Variants in CDIN1 observed in about 807,000 individuals in gnomAD.
CDIN1 encodes the protein CDAN1-interacting nuclease 1.
In CDIN1, 33 loss-of-function variants were observed where a neutral mutation model predicts 45.3. The observed-to-expected ratio is 0.73, with a 90% confidence interval of 0.55 to 0.97. The LOEUF (loss-of-function observed/expected upper bound fraction) is 0.97, where lower values mean the gene tolerates loss of function less well. Ranked by LOEUF, CDIN1 falls within the 50% of genes least tolerant of loss-of-function variation. The probability of loss-of-function intolerance (pLI) is 0.00; values close to 1 mark genes in which losing one functional copy is unlikely to be tolerated. For synonymous variants in CDIN1, 118 were observed against 124.4 expected, an observed-to-expected ratio of 0.95 and a Z score of 0.34; for missense variants, 303 against 339.4, an observed-to-expected ratio of 0.89 and a Z score of 0.84.
At position 36,601,048 on chromosome 15, in the gene CDIN1, TC is replaced by T. The variant is rs372859932; in HGVS notation, c.101+21090del. On this transcript the variant is annotated intron_variant, in intron 1 of 10. Transcript: ENST00000566621. ...GAAGTAATGCTACAGTGTTTTGATG[TC>T]CCAAGTAGGGGTATCAAAAAAAAAA... Among the ~76,000 whole-genome samples, 449 of 151,668 alleles carry T rather than the reference TC, an allele frequency of 3.0e-3. 1 individual carries two copies. Among genetic ancestry groups the T allele is most frequent in the African/African-American group, 0.01 (423 of 41,056 alleles).
intron 10 of CDIN1, chr15:36,746,893 G>A: frequency 2.5e-6 from 1 of 396,112 alleles, no homozygotes; most frequent in Admixed American, 4.4e-5. Context: ...GGGACTGCAG[G>A]TGCATGCCAC....
At chr15:36,679,633 G>T (rs2140605424) in intron 5 of CDIN1, among the ~76,000 whole-genome samples, 1 of 152,202 alleles carries the variant, frequency 6.6e-6, no homozygotes, top group East Asian at 1.9e-4. Flanking sequence ...CTTCTTTTGA[G>T]GAAGATGTAA....
chr15:36,674,429 G>C (rs1389514750), intron 5 of CDIN1, among the ~76,000 whole-genome samples: 1 of 152,118 alleles, frequency 6.6e-6, no homozygotes, highest in African/African-American at 2.4e-5. Flanking sequence ...GAAAGGAATA[G>C]CTTTTGCAAA....
chr15:36,701,686 G>A (rs60600778), intron 8 of CDIN1, among the ~76,000 whole-genome samples: 3,603 of 152,196 alleles, frequency 0.024, 145 homozygotes, highest in African/African-American at 0.083. Flanking sequence ...TCCAGTGAAT[G>A]TTTCCCTGTT....
intron 1 of CDIN1, among the ~76,000 whole-genome samples, chr15:36,590,505 C>T (rs533476906): frequency 2.6e-5 from 4 of 152,234 alleles, no homozygotes; most frequent in East Asian, 3.9e-4. Context: ...GACCAAACAC[C>T]GGCCCCTGCT....
At chr15:36,614,329 C>T (rs1252577713) in intron 1 of CDIN1, 1 of 547,794 alleles carries the variant, frequency 1.8e-6, no homozygotes, top group Non-Finnish European at 3.5e-6. Context: ...CCTTTCGCCA[C>T]CCCCTTCTCC....
intron 3 of CDIN1, among the ~76,000 whole-genome samples, chr15:36,649,240 C>T (rs1349476024): frequency 6.6e-6 from 1 of 152,194 alleles, no homozygotes; most frequent in Non-Finnish European, 1.5e-5. Context: ...TGGTTTGCTT[C>T]TGTCTCCAGC....
chr15:36,768,336 C>G (rs549044472), intron 10 of CDIN1, among the ~76,000 whole-genome samples: 1 of 152,230 alleles, frequency 6.6e-6, no homozygotes, highest in Non-Finnish European at 1.5e-5. Context: ...CTGGGCCTCA[C>G]TGTCTTAGTT....
intron 10 of CDIN1, among the ~76,000 whole-genome samples, chr15:36,751,605 T>G (rs934214471): frequency 6.6e-6 from 1 of 152,086 alleles, no homozygotes; most frequent in South Asian, 2.1e-4. Flanking sequence ...CTCAATGATC[T>G]AGAAGTAGAA....
rs1354124872 is a variant in CDIN1 at position 36,703,385 on chromosome 15, TCAG to T, written c.545-5837_545-5835del. On this transcript the variant is annotated intron_variant, in intron 8 of 10. Transcript: ENST00000566621. ...GATAGATCTATCATATATATATATATCAGATATATATATATATGATATACATAT... is the reference window on the plus strand; with the variant it reads ...GATAGATCTATCATATATATATATATATATATATATATATGATATACATAT... Among the ~76,000 whole-genome samples the T allele has an allele frequency of 2.1e-3, 16 of 7,510 alleles. 1 individual carries two copies. Among genetic ancestry groups the T allele is most frequent in the Admixed American group, 6.7e-3 (2 of 298 alleles). The allele number at this position is 7,510 out of a possible 152,430, so 4.9% of individuals were successfully genotyped here.
rs540192791 is a variant in CDIN1, at chr15:36,761,337, A to G, written c.717-46987A>G. Among the ~76,000 whole-genome samples the G allele has an allele frequency of 2.0e-5, 3 of 152,310 alleles. No homozygotes were observed. The East Asian group carries it at 5.8e-4, about 29-fold the overall frequency. ...TGCTTCATTGCTAGTAACTGGCTTA[A>G]TGTTGTCACAGACCTTATTGGCTCT... On this transcript the variant is annotated intron_variant, in intron 10 of 10. Coordinates refer to ENST00000566621, the MANE Select transcript of CDIN1 (RefSeq NM_001321759.2).
At chr15:36,605,783 CT>C (rs2038338266) in intron 1 of CDIN1, among the ~76,000 whole-genome samples, 1 of 152,108 alleles carries the variant, frequency 6.6e-6, no homozygotes, top group Non-Finnish European at 1.5e-5. Flanking sequence ...GTGGAGTGAC[CT>C]TTTAAAGTCC....
chr15:36,589,438 G>GT (rs200861729), intron 1 of CDIN1, among the ~76,000 whole-genome samples: 4,763 of 152,056 alleles, frequency 0.031, 80 homozygotes, highest in South Asian at 0.048. Flanking sequence ...ACAGTGAGCT[G>GT]TATATACAGT....
intron 1 of CDIN1, among the ~76,000 whole-genome samples, chr15:36,632,929 TTTATGTTACGAC>T (rs2039740111): frequency 1.3e-5 from 2 of 152,232 alleles, no homozygotes; most frequent in South Asian, 4.1e-4. Flanking sequence ...CTTTACCTGA[TTTATGTTACGAC>T]TTGTTCTAAA....
chr15:36,691,892 C>A, intron 6 of CDIN1, 128 bp downstream of exon 6: 1 of 803,212 alleles, frequency 1.2e-6, no homozygotes, highest in East Asian at 2.7e-5. Flanking sequence ...CCATAAATGG[C>A]AATGCAGTAT....
intron 5 of CDIN1, among the ~76,000 whole-genome samples, chr15:36,661,875 T>A (rs1319725534): frequency 2.6e-5 from 4 of 152,182 alleles, no homozygotes; most frequent in Non-Finnish European, 5.9e-5. Flanking sequence ...GTAGACATGA[T>A]AATGGAAATA....
intron 9 of CDIN1, among the ~76,000 whole-genome samples, chr15:36,709,592 G>C (rs980578094): frequency 2.6e-5 from 4 of 152,092 alleles, no homozygotes; most frequent in African/African-American, 9.7e-5. Context: ...TGCTTGACAT[G>C]GCACTTGTCG....
At chr15:36,662,761 TC>T (rs1363774494) in intron 5 of CDIN1, among the ~76,000 whole-genome samples, 1 of 151,794 alleles carries the variant, frequency 6.6e-6, no homozygotes, top group African/African-American at 2.4e-5. Flanking sequence ...ATCAAAGAAC[TC>T]ATAGTTTAGT....
At chr15:36,730,812 C>CA (rs1186370021) in intron 10 of CDIN1, among the ~76,000 whole-genome samples, 2 of 151,834 alleles carry the variant, frequency 1.3e-5, no homozygotes, top group South Asian at 2.1e-4. Flanking sequence ...TATTTTAAGG[C>CA]AAAAAAATAC....
Sources: gnomAD v4.1 joint callset for allele counts (sites outside exome capture counted in the v4.1 genomes callset) on GRCh38, gnomAD v4.1.1 for gene constraint, MANE v1.5 for transcripts, NCBI Gene and HGNC (gene_info 2026-07-23, HGNC 2026-07-21) for gene names.